MED13L: variants seen among roughly 807,000 people sequenced by gnomAD.
MED13L encodes mediator complex subunit 13L.
MED13L carries 7 observed loss-of-function variants against 220.9 expected under a neutral mutation model. The ratio of observed to expected loss-of-function variants is 0.03; its 90% CI spans 0.02 to 0.06. The LOEUF (loss-of-function observed/expected upper bound fraction) is 0.06. Ranked by LOEUF, MED13L falls within the 10% of genes least tolerant of loss-of-function variation. MED13L has a pLI of 1.00. For missense variants in MED13L, 1,965 were observed against 2,760.5 expected, an observed-to-expected ratio of 0.71 and a Z score of 6.46; for synonymous variants, 1,011 against 1,015.2, an observed-to-expected ratio of 1.00 and a Z score of 0.08.
chr12:115,997,920 A>G (rs1248737694), intron 14 of MED13L, among the ~76,000 whole-genome samples: 1 of 152,228 alleles, frequency 6.6e-6, no homozygotes, highest in Non-Finnish European at 1.5e-5. Flanking sequence ...TCAAGTATGT[A>G]TAAAATATTA....
intron 2 of MED13L, among the ~76,000 whole-genome samples, chr12:116,112,340 T>G (rs1418832850): frequency 6.6e-6 from 1 of 152,212 alleles, no homozygotes; most frequent in Non-Finnish European, 1.5e-5. Context: ...ATTTCCTCTC[T>G]TTTACTTGTT....
chr12:115,994,163 A>AT (rs1878250846), intron 16 of MED13L, among the ~76,000 whole-genome samples: 1 of 152,184 alleles, frequency 6.6e-6, no homozygotes. Flanking sequence ...AATCACCTAC[A>AT]TGCCAGGTGC....
rs67306353 is a variant in MED13L, at chr12:116,120,440, TTCTCTCTCTCTCTCTCTC to T, written c.311-8946_311-8929del. Among the ~76,000 whole-genome samples the T allele has an allele frequency of 8.4e-4, 83 of 98,386 alleles. No individual in the cohort carries two copies. The East Asian group carries it at 0.023, about 27-fold the overall frequency. 64.5% of individuals were successfully genotyped at this position (98,386 alleles called of 152,430 possible). On this transcript the variant is annotated intron_variant, in intron 2 of 30. Transcript: ENST00000281928. Reference sequence around the variant, plus strand: ...TTTGGCTTCTTTAAATAATCTCTCTTTCTCTCTCTCTCTCTCTCTCTCTCTCTCTCTCTCTCTCACACA... The same window carrying T: ...TTTGGCTTCTTTAAATAATCTCTCTTTCTCTCTCTCTCTCTCTCTCACACA...
intron 2 of MED13L, among the ~76,000 whole-genome samples, chr12:116,201,337 G>A (rs778401795): frequency 1.3e-5 from 2 of 151,896 alleles, no homozygotes; most frequent in African/African-American, 4.8e-5. Flanking sequence ...ATCCAAATAA[G>A]GGTTGTAATA....
intron 14 of MED13L, among the ~76,000 whole-genome samples, chr12:116,000,000 T>C (rs2137344757): frequency 6.6e-6 from 1 of 152,342 alleles, no homozygotes; most frequent in South Asian, 2.1e-4. Context: ...GGGAAAAATA[T>C]CTACTTCATA....
intron 1 of MED13L, among the ~76,000 whole-genome samples, chr12:116,263,617 C>A (rs1023932032): frequency 6.6e-6 from 1 of 152,182 alleles, no homozygotes. Context: ...AAGGCAACAC[C>A]AAGTGGTCAA....
chr12:115,996,688 C>T lies in MED13L; in HGVS notation c.2791-7G>A. 6.2e-7 allele frequency: 1 copy of T among 1,608,934 alleles called. No homozygotes were observed. Among genetic ancestry groups the T allele is most frequent in the Non-Finnish European group, 8.5e-7 (1 of 1,175,442 alleles). ...TGTGCACATATGAAAAGTCCTGTGA[C>T]AACAAAGTGGGGTCAGTGTTAATAT... On this transcript the variant is annotated splice_region_variant and splice_polypyrimidine_tract_variant and intron_variant, in intron 15 of 30. Coordinates refer to ENST00000281928, the MANE Select transcript of MED13L (RefSeq NM_015335.5).
At chr12:116,242,294 C>G (rs1870734305) in intron 1 of MED13L, among the ~76,000 whole-genome samples, 1 of 152,138 alleles carries the variant, frequency 6.6e-6, no homozygotes, top group Admixed American at 6.5e-5. Context: ...ATACGCTTGC[C>G]TTGGCCTCCC....
intron 1 of MED13L, among the ~76,000 whole-genome samples, chr12:116,269,466 C>CAAAAAAAAAA (rs34100053): frequency 1.3e-3 from 92 of 69,098 alleles, no homozygotes; most frequent in Middle Eastern, 0.012. Context: ...TTAAACTATG[C>CAAAAAAAAAA]AAAAAAAAAA....
Position 115,972,060 on chromosome 12 carries a change from T to G in MED13L, c.5890+18A>C, listed in dbSNP as rs1408594947. 8.1e-6 allele frequency: 13 copies of G among 1,613,130 alleles called. 1 individual carries two copies. The highest frequency in any genetic ancestry group is 3.3e-5 in the Admixed American group (2 of 59,940). ...TGATGTGATATGTAATTAATGACAATGACAAGAAGAAATTTACCTGGCATC... is the reference window on the plus strand; with the variant it reads ...TGATGTGATATGTAATTAATGACAAGGACAAGAAGAAATTTACCTGGCATC... On this transcript the variant is annotated intron_variant, in intron 26 of 30. Coordinates refer to ENST00000281928, the MANE Select transcript of MED13L (RefSeq NM_015335.5).
At chr12:116,095,538 A>G (rs1042065295) in intron 4 of MED13L, among the ~76,000 whole-genome samples, 17 of 152,190 alleles carry the variant, frequency 1.1e-4, no homozygotes, top group African/African-American at 4.1e-4. Context: ...AGAAACTAGG[A>G]AAGTTAAGCA....
In MED13L at chr12:116,029,086, A is replaced by G. The variant is rs541931868; in HGVS notation, c.480-6485T>C. Reference sequence around the variant, plus strand: ...TAACTAACATATAAATAAAATGATAAAAAATGGAGACATTAATACTAGTAT... The same window carrying G: ...TAACTAACATATAAATAAAATGATAGAAAATGGAGACATTAATACTAGTAT... On this transcript the variant is annotated intron_variant, in intron 4 of 30. Transcript: ENST00000281928. Among the ~76,000 whole-genome samples, 10 of 152,294 alleles carry G rather than the reference A, an allele frequency of 6.6e-5. No individual in the cohort carries two copies. In the East Asian group the frequency reaches 1.9e-3, roughly 29 times the overall value.
At chr12:116,031,157 C>CAT (rs1173859086) in intron 4 of MED13L, among the ~76,000 whole-genome samples, 1 of 152,140 alleles carries the variant, frequency 6.6e-6, no homozygotes, top group Non-Finnish European at 1.5e-5. Flanking sequence ...TGTCTTGCTT[C>CAT]ATGTCAAAAC....
chr12:116,184,203 C>T (rs1445845719), intron 2 of MED13L, among the ~76,000 whole-genome samples: 1 of 152,174 alleles, frequency 6.6e-6, no homozygotes, highest in Non-Finnish European at 1.5e-5. Flanking sequence ...AAATTTGCCA[C>T]AATCTTTAGT....
At chr12:116,211,271 AT>A (rs1882686820) in intron 2 of MED13L, among the ~76,000 whole-genome samples, 1 of 152,166 alleles carries the variant, frequency 6.6e-6, no homozygotes, top group South Asian at 2.1e-4. Context: ...AGCACCTGAA[AT>A]GTGTTCTGAC....
chr12:116,128,347 A>T (rs973464022), intron 2 of MED13L, among the ~76,000 whole-genome samples: 15 of 152,192 alleles, frequency 9.9e-5, no homozygotes, highest in African/African-American at 3.6e-4. Context: ...ACACGTTTAT[A>T]AAAGGCTTAG....
chr12:116,250,221 A>G (rs2037989060), intron 1 of MED13L, among the ~76,000 whole-genome samples: 1 of 151,992 alleles, frequency 6.6e-6, no homozygotes, highest in African/African-American at 2.4e-5. Context: ...AAATATGCTC[A>G]AAGAAAAAAA....
intron 14 of MED13L, among the ~76,000 whole-genome samples, chr12:116,001,550 CT>C (rs1218060711): frequency 2.0e-5 from 3 of 152,182 alleles, no homozygotes; most frequent in African/African-American, 4.8e-5. Flanking sequence ...ATTAAAATAT[CT>C]TGCCAGGCTA....
chr12:116,125,762 A>T (rs1031603645), intron 2 of MED13L, among the ~76,000 whole-genome samples: 2 of 152,230 alleles, frequency 1.3e-5, no homozygotes, highest in Non-Finnish European at 2.9e-5. Context: ...TGGAAAAGAC[A>T]AAGTTAATCA....
Sources: allele counts gnomAD v4.1 joint callset (sites outside exome capture counted in the v4.1 genomes callset), GRCh38; gene constraint gnomAD v4.1.1; transcripts MANE v1.5; gene names NCBI Gene and HGNC (gene_info 2026-07-23, HGNC 2026-07-21).